RGS6: variants seen among roughly 807,000 people sequenced by gnomAD.
The protein encoded by RGS6 is regulator of G protein signaling 6, also known as regulator of G-protein signaling 6.
RGS6 carries 30 observed loss-of-function variants against 78.5 expected under a neutral mutation model. The ratio of observed to expected loss-of-function variants is 0.38; its 90% confidence interval spans 0.29 to 0.52. RGS6 has a LOEUF of 0.52. Among genes scored for constraint, RGS6 ranks in the 20% least tolerant of loss-of-function variants. The pLI is 0.85. For missense variants in RGS6, 495 were observed against 609.7 expected (o/e 0.81, Z 1.98); for synonymous variants, 206 against 206.0 (o/e 1.00, Z 0.00).
intron 3 of RGS6, among the ~76,000 whole-genome samples, chr14:72,411,980 C>T (rs973857168): frequency 3.3e-5 from 5 of 151,888 alleles, no homozygotes; most frequent in Non-Finnish European, 5.9e-5. Flanking sequence ...AGTATTTTAC[C>T]GAGAATTTTT....
the RGS6 span, among the ~76,000 whole-genome samples, chr14:71,880,906 C>T: frequency 4.6e-5 from 7 of 152,314 alleles, no homozygotes; most frequent in African/African-American, 1.7e-4. Context: ...CACCATGCAC[C>T]TGGAAAAGCC....
At chr14:72,088,293 G>T (rs746911923) in intron 2 of RGS6, among the ~76,000 whole-genome samples, 1 of 152,160 alleles carries the variant, frequency 6.6e-6, no homozygotes, top group Non-Finnish European at 1.5e-5. Flanking sequence ...AGTGCCATCT[G>T]TGATGCACTC....
chr14:72,518,855 T>A (rs756854085), intron 15 of RGS6, among the ~76,000 whole-genome samples: 1 of 152,316 alleles, frequency 6.6e-6, no homozygotes, highest in South Asian at 2.1e-4. Flanking sequence ...GAACACAGCA[T>A]TGGGGAAGTG....
chr14:72,309,175 C>T (rs2067964761), intron 2 of RGS6, among the ~76,000 whole-genome samples: 1 of 152,182 alleles, frequency 6.6e-6, no homozygotes, highest in Admixed American at 6.5e-5. Context: ...TCTAGGGAAG[C>T]CTGTCATCAA....
intron 17 of RGS6, chr14:72,541,449 C>T (rs761176504): frequency 2.0e-6 from 3 of 1,534,744 alleles, no homozygotes; most frequent in Non-Finnish European, 2.6e-6. Context: ...CTCTCTGTGG[C>T]CTTTCCTCAT....
At chr14:72,086,628 A>G (rs1207139757) in intron 2 of RGS6, among the ~76,000 whole-genome samples, 1 of 152,192 alleles carries the variant, frequency 6.6e-6, no homozygotes, top group Non-Finnish European at 1.5e-5. Context: ...TTGATGGAGT[A>G]TCTGCTCTCT....
chr14:72,607,471 C>T, the RGS6 span, among the ~76,000 whole-genome samples: 7 of 152,224 alleles, frequency 4.6e-5, no homozygotes, highest in African/African-American at 7.2e-5. Context: ...CCCCCCATGA[C>T]ATAATCACCT....
At chr14:71,938,478 C>T (rs1431123271) in intron 1 of RGS6, among the ~76,000 whole-genome samples, 2 of 152,156 alleles carry the variant, frequency 1.3e-5, no homozygotes, top group East Asian at 3.9e-4. Flanking sequence ...TTGGGTGGTG[C>T]CTGCATATCG....
intron 2 of RGS6, among the ~76,000 whole-genome samples, chr14:72,192,064 G>A (rs919775319): frequency 6.6e-6 from 1 of 152,178 alleles, no homozygotes; most frequent in African/African-American, 2.4e-5. Context: ...TCCTCCAGTT[G>A]ATTATAAGCT....
intron 2 of RGS6, among the ~76,000 whole-genome samples, chr14:72,312,813 G>A (rs888913261): frequency 3.9e-5 from 6 of 152,148 alleles, no homozygotes; most frequent in Admixed American, 1.3e-4. Flanking sequence ...AGCAGCAAGG[G>A]TGTTACCATC....
At chr14:72,573,761 C>G in the RGS6 span, among the ~76,000 whole-genome samples, 1 of 152,152 alleles carries the variant, frequency 6.6e-6, no homozygotes, top group African/African-American at 2.4e-5. Flanking sequence ...CCTCACAAAG[C>G]TGTTCTGCAG....
intron 2 of RGS6, among the ~76,000 whole-genome samples, chr14:72,145,574 G>A (rs1163875623): frequency 6.6e-6 from 1 of 152,192 alleles, no homozygotes; most frequent in African/African-American, 2.4e-5. Flanking sequence ...TACCTCCTGG[G>A]TTCAAGCGAT....
chr14:72,453,230 C>T (rs1188916014), intron 3 of RGS6, among the ~76,000 whole-genome samples: 1 of 151,980 alleles, frequency 6.6e-6, no homozygotes, highest in Non-Finnish European at 1.5e-5. Context: ...TTTCCAGGTA[C>T]TAGGGATTCT....
chr14:72,180,359 G>T (rs1321910218), intron 2 of RGS6, among the ~76,000 whole-genome samples: 2 of 152,212 alleles, frequency 1.3e-5, no homozygotes, highest in Non-Finnish European at 2.9e-5. Context: ...TATAAGAGAT[G>T]CTTAATCAAT....
chr14:72,475,791 A>G (rs551217215), intron 10 of RGS6, among the ~76,000 whole-genome samples: 1 of 151,310 alleles, frequency 6.6e-6, no homozygotes, highest in Admixed American at 6.6e-5. Flanking sequence ...GTGATGACCA[A>G]TTAGCTCTCT....
chr14:72,298,987 C>A (rs1377821833), intron 2 of RGS6, among the ~76,000 whole-genome samples: 1 of 152,062 alleles, frequency 6.6e-6, no homozygotes, highest in African/African-American at 2.4e-5. Context: ...TTTTCTATTT[C>A]TTCTTGGGTA....
intron 15 of RGS6, among the ~76,000 whole-genome samples, chr14:72,531,940 A>G (rs994804017): frequency 1.3e-5 from 2 of 152,182 alleles, no homozygotes; most frequent in Admixed American, 1.3e-4. Flanking sequence ...CCTTTGACCA[A>G]TGTCTTCCCA....
chr14:72,396,053 T>C (rs2091179355), intron 3 of RGS6, among the ~76,000 whole-genome samples: 1 of 152,130 alleles, frequency 6.6e-6, no homozygotes, highest in Non-Finnish European at 1.5e-5. Context: ...TACCCAGTAA[T>C]GGGATGGCTG....
chr14:72,300,848 A>C (rs77473606), intron 2 of RGS6, among the ~76,000 whole-genome samples: 199 of 152,344 alleles, frequency 1.3e-3, no homozygotes, highest in African/African-American at 4.5e-3. Flanking sequence ...ATCTGAGTGA[A>C]AAAATGCAAT....
Sources: allele counts gnomAD v4.1 joint callset (sites outside exome capture counted in the v4.1 genomes callset), GRCh38; gene constraint gnomAD v4.1.1; transcripts MANE v1.5; gene names NCBI Gene and HGNC (gene_info 2026-07-23, HGNC 2026-07-21).